Variants in LDLRAD3 observed in about 807,000 individuals in gnomAD.
LDLRAD3 encodes the protein low density lipoprotein receptor class A domain containing 3.
Under a neutral mutation model 29.4 loss-of-function variants are expected in LDLRAD3, and 20 were observed. That is an observed-to-expected ratio of 0.68 (90% CI 0.48 to 0.99). The LOEUF (loss-of-function observed/expected upper bound fraction) is 0.99, where lower values mean the gene tolerates loss of function less well. Among genes scored for constraint, LDLRAD3 ranks in the 50% least tolerant of loss-of-function variants. LDLRAD3 has a pLI of 0.00. For synonymous variants in LDLRAD3, 157 were observed against 192.7 expected (o/e 0.81, Z 1.53); for missense variants, 420 against 454.3 (o/e 0.92, Z 0.69).
intron 4 of LDLRAD3, among the ~76,000 whole-genome samples, chr11:36,115,703 A>G (rs6484815): frequency 1 from 151,763 of 152,296 alleles, 75,620 homozygotes; most frequent in East Asian, 1. Flanking sequence ...GCGAGGCTGT[A>G]TATGGTGCTT....
At chr11:35,975,926 G>A (rs1360037708) in intron 1 of LDLRAD3, among the ~76,000 whole-genome samples, 1 of 151,794 alleles carries the variant, frequency 6.6e-6, no homozygotes, top group African/African-American at 2.4e-5. Context: ...TCTGAGAACA[G>A]GTGAGTAGAG....
At chr11:35,963,267 A>AT (rs1013673261) in intron 1 of LDLRAD3, among the ~76,000 whole-genome samples, 4 of 152,142 alleles carry the variant, frequency 2.6e-5, no homozygotes, top group East Asian at 1.9e-4. Context: ...TGAAACTTAC[A>AT]TTTTTTTAAT....
At chr11:36,181,916 C>G (rs927521469) in intron 4 of LDLRAD3, among the ~76,000 whole-genome samples, 2 of 151,468 alleles carry the variant, frequency 1.3e-5, no homozygotes, top group African/African-American at 4.9e-5. Context: ...CACACTTTCT[C>G]TCTCTCACTG....
chr11:36,226,906 AC>A (rs1203038772), intron 4 of LDLRAD3, among the ~76,000 whole-genome samples, 178 bp from the exon 5 acceptor site: 1 of 152,206 alleles, frequency 6.6e-6, no homozygotes, highest in Admixed American at 6.5e-5. Context: ...GGGTGGATGT[AC>A]CACGTTTTGT....
chr11:36,028,127 A>G (rs262435), intron 1 of LDLRAD3, among the ~76,000 whole-genome samples: 70,388 of 152,108 alleles, frequency 0.46, 17,518 homozygotes, highest in Admixed American at 0.56. Flanking sequence ...CTTCACCCCA[A>G]TCTCATTTAT....
intron 4 of LDLRAD3, among the ~76,000 whole-genome samples, chr11:36,191,188 T>C (rs1854935849): frequency 6.6e-6 from 1 of 152,082 alleles, no homozygotes; most frequent in Non-Finnish European, 1.5e-5. Flanking sequence ...TGGGAGCCCT[T>C]TGTCCAGACA....
In LDLRAD3 at chr11:36,145,155, T is replaced by TGG. The variant is rs1485629039; in HGVS notation, c.454+46700_454+46701dup. Among the ~76,000 whole-genome samples the TGG allele has an allele frequency of 4.6e-5, 4 of 86,810 alleles. No homozygotes were observed. The East Asian group carries it at 1.6e-3, about 35-fold the overall frequency. The allele number at this position is 86,810 out of a possible 152,430, so 57.0% of individuals were successfully genotyped here. A position where few individuals can be genotyped will look rare whatever the true frequency, so the allele number is the denominator to read the frequency against. On this transcript the variant is annotated intron_variant, in intron 4 of 5. Coordinates refer to ENST00000315571, the MANE Select transcript of LDLRAD3 (RefSeq NM_174902.4). Reference sequence around the variant, plus strand: ...CCAGCTGCCCCATCTGGGAGGGAGGTGGGGGGGTCAGCCCCCCGCCCGGCC... The same window carrying TGG: ...CCAGCTGCCCCATCTGGGAGGGAGGTGGGGGGGGGTCAGCCCCCCGCCCGGCC...
At chr11:36,050,048 G>T (rs938817086) in intron 2 of LDLRAD3, among the ~76,000 whole-genome samples, 2 of 152,156 alleles carry the variant, frequency 1.3e-5, no homozygotes, top group African/African-American at 4.8e-5. Flanking sequence ...ATAGACCCGA[G>T]AATTTTGTTT....
intron 2 of LDLRAD3, among the ~76,000 whole-genome samples, chr11:36,041,969 G>A (rs1010891746): frequency 6.6e-6 from 1 of 152,106 alleles, no homozygotes; most frequent in African/African-American, 2.4e-5. Context: ...AAAAGTAGGT[G>A]CAAAAATGGG....
Position 36,098,431 on chromosome 11 carries a change from A to G in LDLRAD3, c.424A>G (p.Ser142Gly), listed in dbSNP as rs551961774. 1 of 1,614,260 alleles carries G rather than the reference A, an allele frequency of 6.2e-7. No homozygotes were observed. The highest frequency in any genetic ancestry group is 1.1e-5 in the South Asian group (1 of 91,092). ...CDGQNNCQDNSDEESCESSQE... is the reference protein window; with the variant it reads ...CDGQNNCQDNGDEESCESSQE... Reference sequence around the variant, plus strand: ...TGGACAGAATAACTGTCAAGACAACAGTGATGAGGAAAGCTGTGAAAGTTC... The same window carrying G: ...TGGACAGAATAACTGTCAAGACAACGGTGATGAGGAAAGCTGTGAAAGTTC... The change falls in exon 4 of 6, where the codon AGT (serine) becomes GGT (glycine). Residue 142 changes from serine (S) to glycine (G), a missense_variant. By Grantham distance (56) the Ser-to-Gly change is moderately conservative. Coordinates refer to ENST00000315571, the MANE Select transcript of LDLRAD3 (RefSeq NM_174902.4).
intron 4 of LDLRAD3, among the ~76,000 whole-genome samples, chr11:36,146,023 TGTTGGAG>T (rs1424523951): frequency 9.1e-6 from 1 of 109,466 alleles, no homozygotes. Context: ...AAAAAAAAAG[TGTTGGAG>T]GTTAGGACTT....
chr11:36,040,265 C>G (rs1852363685), intron 2 of LDLRAD3, among the ~76,000 whole-genome samples: 1 of 151,894 alleles, frequency 6.6e-6, no homozygotes, highest in Non-Finnish European at 1.5e-5. Context: ...CTTCTGTATC[C>G]ACAGCAGAGG....
At chr11:36,165,067 C>T (rs958963446) in intron 4 of LDLRAD3, among the ~76,000 whole-genome samples, 3 of 152,186 alleles carry the variant, frequency 2.0e-5, no homozygotes, top group African/African-American at 4.8e-5. Flanking sequence ...TAGCAGTTGG[C>T]GTATTTCCTC....
intron 1 of LDLRAD3, among the ~76,000 whole-genome samples, chr11:36,016,537 G>A (rs777406124): frequency 2.0e-5 from 3 of 152,122 alleles, no homozygotes; most frequent in Non-Finnish European, 2.9e-5. Context: ...AATGAGCAGC[G>A]CTATGCCACC....
At position 36,144,985 on chromosome 11, in the gene LDLRAD3, G is replaced by T. The variant is rs1405270598; in HGVS notation, c.454+46524G>T. Among the ~76,000 whole-genome samples the T allele has an allele frequency of 7.6e-4, 86 of 113,650 alleles. 8 individuals carry two copies. In the East Asian group the frequency reaches 0.03, roughly 40 times the overall value. The allele number at this position is 113,650 out of a possible 152,430, so 74.6% of individuals were successfully genotyped here. On this transcript the variant is annotated intron_variant, in intron 4 of 5. Transcript: ENST00000315571. ...GCCCCGTCCCGGAAGGAGGTGGGGGGGTCAGCCCCCCGCCCTGCCAGCCGC... is the reference window on the plus strand; with the variant it reads ...GCCCCGTCCCGGAAGGAGGTGGGGGTGTCAGCCCCCCGCCCTGCCAGCCGC...
intron 2 of LDLRAD3, among the ~76,000 whole-genome samples, chr11:36,064,351 G>C (rs893223163): frequency 6.6e-6 from 1 of 152,026 alleles, no homozygotes; most frequent in Non-Finnish European, 1.5e-5. Flanking sequence ...GCCCAGGCTA[G>C]AGTGCAGGAG....
intron 1 of LDLRAD3, among the ~76,000 whole-genome samples, chr11:35,976,435 A>T (rs1407602239): frequency 6.6e-6 from 1 of 152,048 alleles, no homozygotes; most frequent in Admixed American, 6.6e-5. Flanking sequence ...AAAACAGGTG[A>T]TGAGAGTTGG....
intron 4 of LDLRAD3, among the ~76,000 whole-genome samples, chr11:36,191,538 G>GTCTCTCTCTCTCTCTCTCTCTCTC (rs751965155): frequency 1.8e-5 from 1 of 55,692 alleles, no homozygotes; most frequent in Non-Finnish European, 3.2e-5. Context: ...GCAAGACCCT[G>GTCTCTCTCTCTCTCTCTCTCTCTC]TCTCTCTCTC....
At chr11:36,129,972 G>A (rs894752851) in intron 4 of LDLRAD3, among the ~76,000 whole-genome samples, 10 of 152,180 alleles carry the variant, frequency 6.6e-5, no homozygotes, top group African/African-American at 2.4e-4. Flanking sequence ...GGGAACTTCC[G>A]TGTTTTGTTT....
Sources: allele counts gnomAD v4.1 joint callset (sites outside exome capture counted in the v4.1 genomes callset), GRCh38; gene constraint gnomAD v4.1.1; transcripts MANE v1.5; gene names NCBI Gene and HGNC (gene_info 2026-07-23, HGNC 2026-07-21).